The following FHL5 variants were observed in gnomAD, a reference collection of about 807,000 sequenced individuals.
The protein encoded by FHL5 is four and a half LIM domains 5.
Under a neutral mutation model 32.0 loss-of-function variants are expected in FHL5, and 33 were observed. The ratio of observed to expected loss-of-function variants is 1.03; its 90% CI spans 0.78 to 1.38. The LOEUF (loss-of-function observed/expected upper bound fraction) is 1.38. Among genes scored for constraint, FHL5 ranks in the 40% most tolerant of loss-of-function variants. FHL5 has a pLI of 0.00. For synonymous variants in FHL5, 114 were observed against 113.6 expected (o/e 1.00, Z -0.02); for missense variants, 336 against 343.9 (o/e 0.98, Z 0.18).
intron 1 of FHL5, among the ~76,000 whole-genome samples, chr6:96,592,875 GT>G (rs983859217): frequency 1.3e-5 from 2 of 152,098 alleles, no homozygotes; most frequent in Non-Finnish European, 2.9e-5. Context: ...GTCCAAGTGT[GT>G]TTTTCAGGTC....
At chr6:96,577,217 T>A (rs1770601672) in intron 1 of FHL5, among the ~76,000 whole-genome samples, 1 of 152,234 alleles carries the variant, frequency 6.6e-6, no homozygotes, top group South Asian at 2.1e-4. Context: ...TTGTAATTAT[T>A]GATTAGTGTT....
chr6:96,588,194 A>G (rs1770840434), intron 1 of FHL5, among the ~76,000 whole-genome samples: 1 of 152,168 alleles, frequency 6.6e-6, no homozygotes, highest in South Asian at 2.1e-4. Flanking sequence ...TTCAACACGT[A>G]AGAGTTCCTG....
At chr6:96,589,467 T>C (rs541489201) in intron 1 of FHL5, among the ~76,000 whole-genome samples, 25 of 152,212 alleles carry the variant, frequency 1.6e-4, no homozygotes, top group African/African-American at 6.0e-4. Flanking sequence ...CATTTTCATG[T>C]TTATTAGCCA....
Position 96,616,898 on chromosome 6 carries a change from G to A in FHL5, c.*1126G>A, listed in dbSNP as rs1038457536. Among the ~76,000 whole-genome samples the A allele has an allele frequency of 1.4e-5, 2 of 145,452 alleles. No homozygotes were observed. Among genetic ancestry groups the A allele is most frequent in the Admixed American group, 6.8e-5 (1 of 14,710 alleles). On this transcript the variant is annotated 3_prime_UTR_variant, in exon 6 of 6. Transcript: ENST00000450218. ...CAATAGAGTAATGTGGGCTGTAGGCGAGCCCTCCCCACTCTTCCCCCACAC... is the reference window on the plus strand; with the variant it reads ...CAATAGAGTAATGTGGGCTGTAGGCAAGCCCTCCCCACTCTTCCCCCACAC...
intron 1 of FHL5, among the ~76,000 whole-genome samples, chr6:96,572,013 G>A (rs914344174): frequency 1.3e-5 from 2 of 152,170 alleles, no homozygotes; most frequent in South Asian, 4.1e-4. Context: ...GGGTACTTCT[G>A]CATCTGAGAC....
intron 1 of FHL5, among the ~76,000 whole-genome samples, chr6:96,603,173 CTG>C (rs1222470167): frequency 2.0e-5 from 3 of 152,224 alleles, no homozygotes; most frequent in South Asian, 4.1e-4. Flanking sequence ...GTAAAAAAGA[CTG>C]TTATTTCCAT....
intron 5 of FHL5, among the ~76,000 whole-genome samples, chr6:96,612,502 G>C (rs1474734645): frequency 6.6e-6 from 1 of 152,096 alleles, no homozygotes; most frequent in East Asian, 1.9e-4. Flanking sequence ...TTCAATTCTG[G>C]TATATCACAG....
Position 96,604,857 on chromosome 6 carries a change from G to A in FHL5, c.267G>A (p.Leu89=), listed in dbSNP as rs942176151. Residue 89 remains leucine (L), a synonymous_variant, in exon 3 of 6, where the codon CTG becomes CTA. Transcript: ENST00000450218. ...KPFAAKDERL[L]CTECYSNECS... is the part of the protein sequence containing the mutation. ...TTGCTGCCAAGGATGAGCGCCTGCTGTGCACGGAGTGCTATTCTAACGAGT... is the reference window on the plus strand; with the variant it reads ...TTGCTGCCAAGGATGAGCGCCTGCTATGCACGGAGTGCTATTCTAACGAGT... 2 of 1,613,872 alleles carry A rather than the reference G, an allele frequency of 1.2e-6. No individual in the cohort carries two copies. Among genetic ancestry groups the A allele is most frequent in the Non-Finnish European group, 1.7e-6 (2 of 1,179,910 alleles).
At chr6:96,585,971 C>T (rs994367245) in intron 1 of FHL5, among the ~76,000 whole-genome samples, 1 of 152,134 alleles carries the variant, frequency 6.6e-6, no homozygotes, top group Non-Finnish European at 1.5e-5. Flanking sequence ...TTGCCTTGCA[C>T]AGTTCCATGG....
At chr6:96,607,155 G>T (rs564999820) in intron 4 of FHL5, among the ~76,000 whole-genome samples, 2 of 152,200 alleles carry the variant, frequency 1.3e-5, no homozygotes, top group African/African-American at 4.8e-5. Context: ...AAGCCTGTCT[G>T]CATTCCATAA....
intron 5 of FHL5, among the ~76,000 whole-genome samples, chr6:96,612,088 G>A (rs927947123): frequency 1.3e-5 from 2 of 152,160 alleles, no homozygotes; most frequent in Admixed American, 1.3e-4. Flanking sequence ...CTTGCACCCT[G>A]TCTGCATCAC....
chr6:96,586,163 T>C (rs547166029), intron 1 of FHL5, among the ~76,000 whole-genome samples: 1 of 152,326 alleles, frequency 6.6e-6, no homozygotes, highest in African/African-American at 2.4e-5. Flanking sequence ...CCATGACCAC[T>C]ATGAGCACAC....
In FHL5 at chr6:96,586,605, A is replaced by C. The variant is rs1050948366; in HGVS notation, c.-12-16997A>C. On this transcript the variant is annotated intron_variant, in intron 1 of 5. Coordinates refer to ENST00000450218, the MANE Select transcript of FHL5 (RefSeq NM_001322466.2). Reference sequence around the variant, plus strand: ...CCCCAAAGAAATTAGCAGTTTACAAATGGATAACTTGTCTCAAGAAGGGAT... The same window carrying C: ...CCCCAAAGAAATTAGCAGTTTACAACTGGATAACTTGTCTCAAGAAGGGAT... Among the ~76,000 whole-genome samples the C allele has an allele frequency of 8.5e-5, 13 of 152,314 alleles. 1 individual carries two copies. Among genetic ancestry groups the C allele is most frequent in the Admixed American group, 7.8e-4 (12 of 15,300 alleles).
intron 4 of FHL5, among the ~76,000 whole-genome samples, chr6:96,607,789 C>G (rs1771315981): frequency 6.6e-6 from 1 of 151,746 alleles, no homozygotes; most frequent in African/African-American, 2.4e-5. Context: ...TCAAGACCAG[C>G]CTGGGCAACA....
chr6:96,591,849 G>A (rs1770925144), intron 1 of FHL5, among the ~76,000 whole-genome samples: 1 of 151,978 alleles, frequency 6.6e-6, no homozygotes, highest in South Asian at 2.1e-4. Context: ...GGCATCTGGG[G>A]GACACATCAC....
chr6:96,611,193 C>A (rs778199443), intron 5 of FHL5, among the ~76,000 whole-genome samples: 1 of 152,120 alleles, frequency 6.6e-6, no homozygotes, highest in Non-Finnish European at 1.5e-5. Context: ...TAATTAAATT[C>A]CACTATTGTA....
chr6:96,604,571 A>G (rs1051429678), intron 2 of FHL5, among the ~76,000 whole-genome samples, 179 bp from the exon 3 acceptor site: 2 of 151,724 alleles, frequency 1.3e-5, no homozygotes, highest in African/African-American at 4.8e-5. Context: ...CCTGGGCTCT[A>G]GCTCTTAATT....
chr6:96,575,232 C>A lies in FHL5; in HGVS notation c.-13+11877C>A, dbSNP rs572012269. On this transcript the variant is annotated intron_variant, in intron 1 of 5. Transcript: ENST00000450218. ...CATACACATACATACAACAAACAGACCAAGAATAAAACTAGCTTTATTGTA... is the reference window on the plus strand; with the variant it reads ...CATACACATACATACAACAAACAGAACAAGAATAAAACTAGCTTTATTGTA... Among the ~76,000 whole-genome samples, 38 of 152,228 alleles carry A rather than the reference C, an allele frequency of 2.5e-4. No homozygotes were observed. The South Asian group carries it at 7.3e-3, about 29-fold the overall frequency.
Position 96,606,040 on chromosome 6 carries a change from A to T in FHL5, c.473A>T (p.Glu158Val). The change falls in exon 4 of 6, where the codon GAG becomes GTG. Residue 158 changes from glutamate to valine, a missense_variant. By Grantham distance (121) the Glu-to-Val change is moderately radical (BLOSUM62 -2). Transcript: ENST00000450218. ...TATTGTGTGCCATGTTTTGAGAAGG[A>T]GTTTGCTCACTACTGCAACTTTTGT... ...GNYCVPCFEK[E>V]FAHYCNFCKK... 4 of 1,614,100 alleles carry T rather than the reference A, an allele frequency of 2.5e-6. No homozygotes were observed. In the South Asian group the frequency reaches 4.4e-5, roughly 18 times the overall value.
Sources: gnomAD v4.1 joint callset for allele counts (sites outside exome capture counted in the v4.1 genomes callset) on GRCh38, gnomAD v4.1.1 for gene constraint, MANE v1.5 for transcripts, NCBI Gene and HGNC (gene_info 2026-07-23, HGNC 2026-07-21) for gene names.